FAM83G: variants seen among roughly 807,000 people sequenced by gnomAD.
FAM83G encodes the protein protein FAM83G.
A neutral mutation model predicts 61.5 loss-of-function variants in FAM83G; 38 were observed. The observed-to-expected ratio is 0.62, with a 90% CI of 0.48 to 0.81. The LOEUF (loss-of-function observed/expected upper bound fraction) is 0.81, where lower values mean the gene tolerates loss of function less well. Ranked by LOEUF, FAM83G falls within the 30% of genes least tolerant of loss-of-function variation. The pLI is 0.00. For synonymous variants in FAM83G, 470 were observed against 476.1 expected, an observed-to-expected ratio of 0.99 and a Z score of 0.17; for missense variants, 989 against 1,133.6, an observed-to-expected ratio of 0.87 and a Z score of 1.83.
At position 18,969,180 on chromosome 17, in the gene FAM83G, G is replaced by A; in HGVS notation, c.*2179C>T. The A allele has an allele frequency of 6.2e-7, 1 of 1,610,894 alleles. No individual in the cohort carries two copies. On this transcript the variant is annotated 3_prime_UTR_variant, in exon 6 of 6. Transcript: ENST00000388995. ...CAGGTATGGTGCCTGCAGCAGGGAGGTCCACCCAGGGGACGTGTAAAGGGG... is the reference window on the plus strand; with the variant it reads ...CAGGTATGGTGCCTGCAGCAGGGAGATCCACCCAGGGGACGTGTAAAGGGG...
Position 18,968,790 on chromosome 17 carries a change from T to G in FAM83G, c.*2569A>C, listed in dbSNP as rs2151999130. 1 of 496,780 alleles carries G rather than the reference T, an allele frequency of 2.0e-6. No homozygotes were observed. The highest frequency in any genetic ancestry group is 3.0e-5 in the South Asian group (1 of 32,924). 30.8% of individuals were successfully genotyped at this position (496,780 alleles called of 1,614,324 possible). On this transcript the variant is annotated 3_prime_UTR_variant, in exon 6 of 6. Transcript: ENST00000388995. This position sits in a 1 kb window ranked among gnomAD's most constrained non-coding sequence, Gnocchi z 4.1. ...GGCCAGATTCAATAACAACACTGCTTTTGGGAAAGGCATTGGCCACTTTGG... is the reference window on the plus strand; with the variant it reads ...GGCCAGATTCAATAACAACACTGCTGTTGGGAAAGGCATTGGCCACTTTGG...
chr17:18,969,034 G>T lies in FAM83G; in HGVS notation c.*2325C>A. 2 of 1,606,696 alleles carry T rather than the reference G, an allele frequency of 1.2e-6. No homozygotes were observed. Among genetic ancestry groups the T allele is most frequent in the Non-Finnish European group, 8.5e-7 (1 of 1,176,524 alleles). On this transcript the variant is annotated 3_prime_UTR_variant, in exon 6 of 6. Coordinates refer to ENST00000388995, the MANE Select transcript of FAM83G (RefSeq NM_001039999.3). ...CCCTGGGAATAACAGTCCCACACAA[G>T]GCTCTCTCCCTCCGCAGCTGGACCT...
At chr17:18,998,704 C>T (rs1057355387) in intron 2 of FAM83G, among the ~76,000 whole-genome samples, 1 of 152,206 alleles carries the variant, frequency 6.6e-6, no homozygotes, top group Non-Finnish European at 1.5e-5. Context: ...GCCTTTGGAG[C>T]GCACAGGAGT....
rs1381910905 is a variant in FAM83G at position 18,971,518 on chromosome 17, G to A, written c.2313C>T (p.Thr771=). ...GATGCTCCTCGGTGGCCCTGCCATC[G>A]GTCATGGGGCGGGCATTTTGGGCCA... is the stretch of plus-strand genomic sequence containing the variant. ...PRLAQNARPM[T]DGRATEEHPS... Residue 771 remains threonine (T), a synonymous_variant, in exon 6 of 6, where the codon ACC becomes ACT. Coordinates refer to ENST00000388995, the MANE Select transcript of FAM83G (RefSeq NM_001039999.3). The surrounding 1 kb of genome is among the most constrained non-coding windows in gnomAD (Gnocchi z 5.5). 12 of 1,614,002 alleles carry A rather than the reference G, an allele frequency of 7.4e-6. No individual in the cohort carries two copies. The highest frequency in any genetic ancestry group is 2.2e-5 in the South Asian group (2 of 91,072).
In FAM83G at chr17:18,971,812, C is replaced by A; in HGVS notation, c.2083-64G>T. 6.7e-7 allele frequency: 1 copy of A among 1,502,002 alleles called. No individual in the cohort carries two copies. Among genetic ancestry groups the A allele is most frequent in the East Asian group, 2.3e-5 (1 of 43,724 alleles). The allele number at this position is 1,502,002 out of a possible 1,614,324, so 93.0% of individuals were successfully genotyped here. A position where few individuals can be genotyped will look rare whatever the true frequency, so the allele number is the denominator to read the frequency against. Reference sequence around the variant, plus strand: ...GGGCCAACCCCGCCCCAGCACAGGACCCTGCTCAGGCACACAGGAGCCGGC... The same window carrying A: ...GGGCCAACCCCGCCCCAGCACAGGAACCTGCTCAGGCACACAGGAGCCGGC... On this transcript the variant is annotated intron_variant, in intron 5 of 5. Transcript: ENST00000388995. This position sits in a 1 kb window ranked among gnomAD's most constrained non-coding sequence, Gnocchi z 5.5.
chr17:18,984,042 G>T (rs925636251), intron 3 of FAM83G, among the ~76,000 whole-genome samples: 1 of 152,108 alleles, frequency 6.6e-6, no homozygotes, highest in African/African-American at 2.4e-5. Flanking sequence ...AATCCCCCCC[G>T]TTTGAGAACC....
intron 5 of FAM83G, among the ~76,000 whole-genome samples, chr17:18,973,294 C>T (rs1157805037): frequency 6.6e-6 from 1 of 152,210 alleles, no homozygotes; most frequent in Non-Finnish European, 1.5e-5. Context: ...AACGAATCTG[C>T]ACATGTCCTG....
intron 5 of FAM83G, chr17:18,977,007 C>T: frequency 1.9e-6 from 3 of 1,609,730 alleles, no homozygotes; most frequent in Middle Eastern, 1.7e-4. Context: ...GGGCTCCGGG[C>T]ACTGAACCCA....
At chr17:18,999,365 A>T (rs2043664345) in intron 2 of FAM83G, among the ~76,000 whole-genome samples, 1 of 151,970 alleles carries the variant, frequency 6.6e-6, no homozygotes, top group Non-Finnish European at 1.5e-5. Flanking sequence ...ATGCAGGGGT[A>T]GGGCTCAGAA....
At chr17:18,976,554 C>G in intron 5 of FAM83G, 2 of 372,776 alleles carry the variant, frequency 5.4e-6, no homozygotes, top group Non-Finnish European at 9.7e-6. Context: ...TCTCCTCCAG[C>G]CCTGACAATT....
intron 5 of FAM83G, among the ~76,000 whole-genome samples, chr17:18,972,668 C>T (rs2042884152): frequency 6.6e-6 from 1 of 152,128 alleles, no homozygotes; most frequent in Admixed American, 6.5e-5. Context: ...CGAGACCATC[C>T]TGGCTAACAC....
In FAM83G at chr17:18,971,676, T is replaced by A; in HGVS notation, c.2155A>T (p.Arg719Trp). 1 of 1,611,316 alleles carries A rather than the reference T, an allele frequency of 6.2e-7. No individual in the cohort carries two copies. The highest frequency in any genetic ancestry group is 8.5e-7 in the Non-Finnish European group (1 of 1,178,474). The change falls in exon 6 of 6, where the codon AGG (arginine) becomes TGG (tryptophan). Residue 719 changes from arginine (R) to tryptophan (W), a missense_variant. Arg to Trp is a moderately radical substitution (Grantham distance 101). Transcript: ENST00000388995. This position sits in a 1 kb window ranked among gnomAD's most constrained non-coding sequence, Gnocchi z 5.5. The stretch of plus-strand genomic sequence containing the variant: ...ACGCTGTCAGCAGCAGAGCGGTACC[T>A]AGGGGGTCCTGGGAAGCCGTCTTTA... ...RDKDGFPGPP[R>W]YRSAADSVQS...
chr17:18,998,530 C>T (rs573299909), intron 2 of FAM83G, among the ~76,000 whole-genome samples: 60 of 152,332 alleles, frequency 3.9e-4, no homozygotes, highest in African/African-American at 1.3e-3. Flanking sequence ...ATGAACATGA[C>T]GGCAGGCCCT....
chr17:19,001,485 C>T (rs776345429), intron 2 of FAM83G, among the ~76,000 whole-genome samples: 5 of 152,148 alleles, frequency 3.3e-5, no homozygotes, highest in African/African-American at 4.8e-5. Flanking sequence ...CCCACCTGTC[C>T]GAGGCTGGAG....
At position 19,000,681 on chromosome 17, in the gene FAM83G, G is replaced by A. The variant is rs1299167038; in HGVS notation, c.522+2839C>T. On this transcript the variant is annotated intron_variant, in intron 2 of 5. Coordinates refer to ENST00000388995, the MANE Select transcript of FAM83G (RefSeq NM_001039999.3). This position sits in a 1 kb window ranked among gnomAD's most constrained non-coding sequence, Gnocchi z 5.2. ...TAAAGCCCCCGGTGGGAAGGGGCCA[G>A]TGTGCGGCAAGGCGGCCCAGGCAGA... 6.6e-6 allele frequency among the ~76,000 whole-genome samples: 1 copy of A among 152,186 alleles called. No homozygotes were observed. Among genetic ancestry groups the A allele is most frequent in the Admixed American group, 6.5e-5 (1 of 15,286 alleles).
chr17:18,980,124 T>A (rs1423972586), intron 3 of FAM83G, among the ~76,000 whole-genome samples: 2 of 152,130 alleles, frequency 1.3e-5, no homozygotes, highest in Non-Finnish European at 2.9e-5. Flanking sequence ...GAAGGGGGCC[T>A]GCCCTGCAGA....
At chr17:18,982,563 G>GACGT (rs1266129438) in intron 3 of FAM83G, among the ~76,000 whole-genome samples, 1 of 152,218 alleles carries the variant, frequency 6.6e-6, no homozygotes, top group African/African-American at 2.4e-5. Flanking sequence ...AGTAAGAGAG[G>GACGT]ACGTCAAGGG....
intron 2 of FAM83G, among the ~76,000 whole-genome samples, chr17:18,990,802 TC>T (rs34520746): frequency 1 from 152,298 of 152,298 alleles, 76,149 homozygotes; most frequent in Non-Finnish European, 1. Flanking sequence ...AGCCTGGTGC[TC>T]CCCCAGGCAA....
At chr17:18,993,227 CTG>C (rs1317004057) in intron 2 of FAM83G, among the ~76,000 whole-genome samples, 5 of 152,242 alleles carry the variant, frequency 3.3e-5, no homozygotes, top group African/African-American at 9.6e-5. Context: ...CCTCAAGCCA[CTG>C]TGTCTCCTAC....
Sources: allele counts gnomAD v4.1 joint callset (sites outside exome capture counted in the v4.1 genomes callset), GRCh38; gene constraint gnomAD v4.1.1; non-coding constraint Gnocchi (gnomAD v3.1); transcripts MANE v1.5; gene names NCBI Gene and HGNC (gene_info 2026-07-23, HGNC 2026-07-21).